PABPC4L: variants seen among roughly 807,000 people sequenced by gnomAD.
PABPC4L encodes the protein poly(A) binding protein cytoplasmic 4 like.
For missense variants in PABPC4L, 452 were observed against 451.4 expected, an observed-to-expected ratio of 1.00 and a Z score of -0.01; for synonymous variants, 169 against 164.1, an observed-to-expected ratio of 1.03 and a Z score of -0.23.
chr4:133,970,337 G>A, the PABPC4L span, among the ~76,000 whole-genome samples: 118 of 151,800 alleles, frequency 7.8e-4, no homozygotes, highest in Non-Finnish European at 1.2e-3. Context: ...TTCATGCTTG[G>A]TCTACTCCTC....
chr4:134,089,093 A>G, the PABPC4L span, among the ~76,000 whole-genome samples: 1 of 152,148 alleles, frequency 6.6e-6, no homozygotes, highest in African/African-American at 2.4e-5. Context: ...GTAGTAACAA[A>G]GAAAAAGTAA....
At chr4:133,978,997 A>C in the PABPC4L span, 2 of 152,200 alleles carry the variant, frequency 1.3e-5, no homozygotes, top group Non-Finnish European at 1.5e-5. Flanking sequence ...AGTAGCAACA[A>C]AAATTGTAAG....
At chr4:134,140,903 T>A in the PABPC4L span, among the ~76,000 whole-genome samples, 106 of 151,772 alleles carry the variant, frequency 7.0e-4, 4 homozygotes, top group East Asian at 0.018. Flanking sequence ...AACTAGAACA[T>A]GACCCAGATT....
the PABPC4L span, among the ~76,000 whole-genome samples, chr4:134,110,559 T>TTGTG: frequency 1.4e-4 from 20 of 144,644 alleles, 1 homozygote; most frequent in Non-Finnish European, 2.7e-4. Flanking sequence ...TCTCTCTGTC[T>TTGTG]TGTGTGTGTG....
chr4:134,062,657 G>A, the PABPC4L span, among the ~76,000 whole-genome samples: 1 of 152,002 alleles, frequency 6.6e-6, no homozygotes, highest in African/African-American at 2.4e-5. Context: ...CTTACAAATG[G>A]TAGATGATGA....
chr4:134,132,427 G>A, the PABPC4L span, among the ~76,000 whole-genome samples: 1 of 151,856 alleles, frequency 6.6e-6, no homozygotes, highest in Non-Finnish European at 1.5e-5. Context: ...ATTTTCAAAA[G>A]AAGATGAACA....
the PABPC4L span, among the ~76,000 whole-genome samples, chr4:134,139,777 G>C: frequency 6.6e-6 from 1 of 151,264 alleles, no homozygotes; most frequent in East Asian, 1.9e-4. Flanking sequence ...CTTCCACCTA[G>C]GCCCAAACAA....
the PABPC4L span, among the ~76,000 whole-genome samples, chr4:134,062,977 T>G: frequency 6.6e-6 from 1 of 152,112 alleles, no homozygotes; most frequent in Non-Finnish European, 1.5e-5. Context: ...GGTTTCTACT[T>G]CTGGCTGTAG....
the PABPC4L span, among the ~76,000 whole-genome samples, chr4:133,970,630 A>G: frequency 6.6e-6 from 1 of 152,142 alleles, no homozygotes. Flanking sequence ...GTGTAACATC[A>G]CTGCCATGTT....
At chr4:134,016,121 C>G in the PABPC4L span, among the ~76,000 whole-genome samples, 1 of 152,060 alleles carries the variant, frequency 6.6e-6, no homozygotes. Flanking sequence ...GCAGTTCCAC[C>G]AGGCCTAATC....
At chr4:134,154,183 T>G in the PABPC4L span, among the ~76,000 whole-genome samples, 1 of 152,106 alleles carries the variant, frequency 6.6e-6, no homozygotes, top group Non-Finnish European at 1.5e-5. Flanking sequence ...TATGAAATAT[T>G]TTTTATAAGA....
chr4:134,164,107 C>A, the PABPC4L span, among the ~76,000 whole-genome samples: 1 of 150,042 alleles, frequency 6.7e-6, no homozygotes, highest in East Asian at 2.0e-4. Context: ...ACTAAAAATA[C>A]AAAAAATTAG....
At chr4:134,094,605 C>T in the PABPC4L span, among the ~76,000 whole-genome samples, 3 of 151,776 alleles carry the variant, frequency 2.0e-5, no homozygotes, top group South Asian at 6.2e-4. Context: ...TTAAATAAGT[C>T]TAATTTATGC....
the PABPC4L span, among the ~76,000 whole-genome samples, chr4:134,031,804 A>G: frequency 6.6e-6 from 1 of 151,930 alleles, no homozygotes; most frequent in African/African-American, 2.4e-5. Context: ...TTTGCAATGG[A>G]GAAGATCCTT....
At chr4:134,176,615 G>A in the PABPC4L span, among the ~76,000 whole-genome samples, 1 of 152,172 alleles carries the variant, frequency 6.6e-6, no homozygotes, top group South Asian at 2.1e-4. Context: ...AAAAAGGCTA[G>A]TGAACACTAA....
the PABPC4L span, among the ~76,000 whole-genome samples, chr4:134,089,373 G>A: frequency 3.3e-5 from 5 of 152,144 alleles, no homozygotes; most frequent in South Asian, 6.2e-4. Flanking sequence ...TATATGCGTT[G>A]CAATTGATGA....
chr4:133,964,934 T>C, the PABPC4L span, among the ~76,000 whole-genome samples: 2 of 152,148 alleles, frequency 1.3e-5, no homozygotes, highest in Non-Finnish European at 2.9e-5. Context: ...TTTTCACCAC[T>C]TCTATTCAAC....
At chr4:134,035,461 T>G in the PABPC4L span, among the ~76,000 whole-genome samples, 9 of 152,148 alleles carry the variant, frequency 5.9e-5, no homozygotes, top group Non-Finnish European at 1.0e-4. Context: ...TTCACTTTAT[T>G]AAATTATAAA....
At chr4:134,052,810 G>A in the PABPC4L span, among the ~76,000 whole-genome samples, 1 of 152,154 alleles carries the variant, frequency 6.6e-6, no homozygotes, top group East Asian at 1.9e-4. Flanking sequence ...TGATGCAAGA[G>A]TTTTTGGTAT....
Sources: allele counts gnomAD v4.1 joint callset (sites outside exome capture counted in the v4.1 genomes callset), GRCh38; gene constraint gnomAD v4.1.1; transcripts MANE v1.5; gene names NCBI Gene and HGNC (gene_info 2026-07-23, HGNC 2026-07-21).